TRPV5: variants seen among roughly 807,000 people sequenced by gnomAD.
TRPV5 encodes calcium transport protein 2.
In TRPV5, 66 loss-of-function variants were observed where a neutral mutation model predicts 74.1. The observed-to-expected ratio is 0.89, with a 90% confidence interval of 0.73 to 1.09. The LOEUF is 1.09. TRPV5 is among the 50% of genes least tolerant of loss of function. TRPV5 has a pLI of 0.00. For synonymous variants in TRPV5, 399 were observed against 360.7 expected (o/e 1.11, Z -1.20); for missense variants, 936 against 930.4 (o/e 1.01, Z -0.08).
At chr7:142,912,892 G>A in intron 12 of TRPV5, 142 bp from the exon 13 acceptor site, 1 of 723,516 alleles carries the variant, frequency 1.4e-6, no homozygotes, top group South Asian at 2.5e-5. Flanking sequence ...AAATACACTT[G>A]CACACATGCA....
Position 142,915,999 on chromosome 7 carries a change from T to A in TRPV5, c.1123-431A>T, listed in dbSNP as rs557343113. On this transcript the variant is annotated intron_variant, in intron 8 of 14. Coordinates refer to ENST00000265310, the MANE Select transcript of TRPV5 (RefSeq NM_019841.7). Reference sequence around the variant, plus strand: ...GTGGGAAGAATACACTGTAAACATATCACAGAATTCAGGTTCCCTCACGGA... The same window carrying A: ...GTGGGAAGAATACACTGTAAACATAACACAGAATTCAGGTTCCCTCACGGA... Among the ~76,000 whole-genome samples the A allele has an allele frequency of 6.0e-4, 91 of 152,276 alleles. 2 individuals are homozygous for A. The highest frequency in any genetic ancestry group is 5.8e-3 in the Admixed American group (88 of 15,294).
At chr7:142,925,285 C>T (rs542339696) in intron 8 of TRPV5, 19 of 587,492 alleles carry the variant, frequency 3.2e-5, no homozygotes, top group African/African-American at 3.0e-4. Context: ...CACAGGCTTA[C>T]TCATGCCAAG....
Position 142,933,319 on chromosome 7 carries a change from C to A in TRPV5, c.128+13G>T. 1 of 1,612,522 alleles carries A rather than the reference C, an allele frequency of 6.2e-7. No homozygotes were observed. The highest frequency in any genetic ancestry group is 8.5e-7 in the Non-Finnish European group (1 of 1,179,602). ...CACGGCGGTAGGGCCACGGATCGTT[C>A]TAGGAAGCCTACCTCTTCTGCTGCA... On this transcript the variant is annotated intron_variant, in intron 1 of 14. Coordinates refer to ENST00000265310, the MANE Select transcript of TRPV5 (RefSeq NM_019841.7).
chr7:142,924,176 C>G (rs1244588558), intron 8 of TRPV5, among the ~76,000 whole-genome samples: 1 of 149,084 alleles, frequency 6.7e-6, no homozygotes, highest in African/African-American at 2.5e-5. Context: ...GGCAGCAAGA[C>G]CTACTTGGTG....
chr7:142,929,961 C>T (rs1258146767), intron 3 of TRPV5, 97 bp downstream of exon 3: 2 of 1,581,190 alleles, frequency 1.3e-6, no homozygotes, highest in Non-Finnish European at 1.7e-6. Context: ...CCTCCATCAC[C>T]CCACCCCAAC....
rs935345743 is a variant in TRPV5 at position 142,924,451 on chromosome 7, C to T, written c.1122+1078G>A. On this transcript the variant is annotated intron_variant, in intron 8 of 14. Transcript: ENST00000265310. ...AAACAGGAGAGATGGAGTGTCTCTACCTAGCATAGGGTTCATTTGGGCTCT... is the reference window on the plus strand; with the variant it reads ...AAACAGGAGAGATGGAGTGTCTCTATCTAGCATAGGGTTCATTTGGGCTCT... Among the ~76,000 whole-genome samples, 29 of 149,418 alleles carry T rather than the reference C, an allele frequency of 1.9e-4. No individual in the cohort carries two copies. In the East Asian group the frequency reaches 5.7e-3, roughly 29 times the overall value.
At chr7:142,912,341 G>A in intron 13 of TRPV5, 141 bp downstream of exon 13, 1 of 1,116,192 alleles carries the variant, frequency 9.0e-7, no homozygotes. Context: ...TGTACCTCAG[G>A]TTTACACAAA....
intron 1 of TRPV5, 76 bp from the exon 2 acceptor site, chr7:142,930,522 A>G: frequency 9.2e-7 from 1 of 1,087,686 alleles, no homozygotes. Context: ...GATCTAAGAC[A>G]TTCTTTAAGA....
intron 7 of TRPV5, among the ~76,000 whole-genome samples, chr7:142,927,094 G>T (rs554990080): frequency 7.0e-4 from 107 of 152,108 alleles, no homozygotes; most frequent in African/African-American, 2.3e-3. Context: ...TCTATACGTT[G>T]CTCCCTCTCT....
At chr7:142,917,076 T>A (rs1795814364) in intron 8 of TRPV5, among the ~76,000 whole-genome samples, 1 of 151,770 alleles carries the variant, frequency 6.6e-6, no homozygotes, top group South Asian at 2.1e-4. Context: ...CTGGTTTTTT[T>A]TTGTGCGTTT....
At chr7:142,929,650 A>G (rs1796050818) in intron 3 of TRPV5, 85 bp from the exon 4 acceptor site, 1 of 1,566,328 alleles carries the variant, frequency 6.4e-7, no homozygotes. Context: ...CCCTCTCAGG[A>G]GGTTCCTGAT....
Position 142,914,949 on chromosome 7 carries a change from A to G in TRPV5, c.1384T>C (p.Trp462Arg). 1 of 1,614,194 alleles carries G rather than the reference A, an allele frequency of 6.2e-7. No individual in the cohort carries two copies. The highest frequency in any genetic ancestry group is 8.5e-7 in the Non-Finnish European group (1 of 1,180,036). Residue 462 changes from tryptophan to arginine, a missense_variant, in exon 11 of 15, where the codon TGG (tryptophan) becomes CGG (arginine). Transcript: ENST00000265310. ...VPMSFALVLGWCSVMYFTRGF... is the reference protein window; with the variant it reads ...VPMSFALVLGRCSVMYFTRGF... ...CGAGTGAAATACATGACACTGCACC[A>G]GCCCAGCACCAGGGCAAAGGACATG...
At chr7:142,933,184 A>T (rs1796124642) in intron 1 of TRPV5, 148 bp downstream of exon 1, 13 of 1,153,258 alleles carry the variant, frequency 1.1e-5, no homozygotes, top group Non-Finnish European at 1.2e-6. Context: ...GGATTCTGTA[A>T]TTAGGTGGGC....
chr7:142,923,559 C>T (rs767517549), intron 8 of TRPV5, among the ~76,000 whole-genome samples: 1 of 152,132 alleles, frequency 6.6e-6, no homozygotes, highest in Non-Finnish European at 1.5e-5. Flanking sequence ...ACTTCTCCAC[C>T]AAGAAAAGAA....
chr7:142,929,223 T>C (rs1796043172), intron 4 of TRPV5, 103 bp from the exon 5 acceptor site: 1 of 1,503,052 alleles, frequency 6.7e-7, no homozygotes, highest in South Asian at 1.2e-5. Flanking sequence ...CATATCTCAG[T>C]TCTAGGCTGA....
At chr7:142,928,937 T>A in intron 5 of TRPV5, 71 bp from the exon 6 acceptor site, 7 of 1,611,122 alleles carry the variant, frequency 4.3e-6, no homozygotes, top group Non-Finnish European at 5.1e-6. Context: ...CACTCTGGGG[T>A]CTTCCTAAAG....
intron 10 of TRPV5, 76 bp downstream of exon 10, chr7:142,915,231 A>G: frequency 6.4e-7 from 1 of 1,573,078 alleles, no homozygotes; most frequent in Admixed American, 1.9e-5. Context: ...TGAGGCCTAG[A>G]ACTCAGAGAG....
At position 142,908,720 on chromosome 7, in the gene TRPV5, G is replaced by A; in HGVS notation, c.1984C>T (p.His662Tyr). 6.2e-7 allele frequency: 1 copy of A among 1,614,186 alleles called. No homozygotes were observed. The highest frequency in any genetic ancestry group is 8.5e-7 in the Non-Finnish European group (1 of 1,180,040). The change falls in exon 15 of 15, where the codon CAT becomes TAT. Residue 662 changes from histidine (H) to tyrosine (Y), a missense_variant. Physicochemically the swap from His to Tyr is moderately conservative, Grantham distance 83. Coordinates refer to ENST00000265310, the MANE Select transcript of TRPV5 (RefSeq NM_019841.7). Reference sequence around the variant, plus strand: ...CCAGAGGGCTGTTTCTCAGATGGATGCTCCTGGTCATCCTCCTTGTCTGAG... The same window carrying A: ...CCAGAGGGCTGTTTCTCAGATGGATACTCCTGGTCATCCTCCTTGTCTGAG... ...KNSDKEDDQE[H>Y]PSEKQPSGAE...
At chr7:142,931,015 CTATTTTTTTTTTTT>C (rs1178372524) in intron 1 of TRPV5, among the ~76,000 whole-genome samples, 1 of 84,684 alleles carries the variant, frequency 1.2e-5, no homozygotes, top group Admixed American at 1.5e-4. Flanking sequence ...CTCCCTCAGG[CTATTTTTTTTTTTT>C]TTTTTTTTTT....
Sources: gnomAD v4.1 joint callset for allele counts (sites outside exome capture counted in the v4.1 genomes callset) on GRCh38, gnomAD v4.1.1 for gene constraint, MANE v1.5 for transcripts, NCBI Gene and HGNC (gene_info 2026-07-23, HGNC 2026-07-21) for gene names.